USH2A: variants seen among roughly 807,000 people sequenced by gnomAD.
The protein encoded by USH2A is Usher syndrome 2A (autosomal recessive, mild).
In USH2A, 443 loss-of-function variants were observed where a neutral mutation model predicts 538.9. The observed-to-expected ratio is 0.82, with a 90% confidence interval of 0.76 to 0.89. The LOEUF is 0.89. Among genes scored for constraint, USH2A ranks in the 40% least tolerant of loss-of-function variants. The pLI, the probability that USH2A is intolerant of heterozygous loss-of-function variation, is 0.00. For missense variants in USH2A, 6,633 were observed against 6,324.8 expected (o/e 1.05, Z -1.65); for synonymous variants, 2,413 against 2,273.5 (o/e 1.06, Z -1.75).
chr1:215,801,395 TA>T (rs544514897), intron 49 of USH2A, among the ~76,000 whole-genome samples: 25,902 of 134,918 alleles, frequency 0.19, 3,116 homozygotes, highest in African/African-American at 0.37. Flanking sequence ...ATAAAGATTC[TA>T]AAAAAAAAAA....
rs151210241 is a variant in USH2A, at chr1:215,711,021, C to T, written c.12066+17009G>A. On this transcript the variant is annotated intron_variant, in intron 61 of 71. Transcript: ENST00000307340. ...TTCAGTTTAACATCCCTCAAGCCCT[C>T]GCTTTCTTCCAACTTCTTCTGATGT... 5.2e-4 allele frequency among the ~76,000 whole-genome samples: 79 copies of T among 152,074 alleles called. 1 individual carries two copies. The highest frequency in any genetic ancestry group is 1.9e-3 in the African/African-American group (78 of 41,484).
chr1:216,399,013 T>C (rs1260504682), intron 3 of USH2A, among the ~76,000 whole-genome samples: 1 of 152,192 alleles, frequency 6.6e-6, no homozygotes, highest in Non-Finnish European at 1.5e-5. Flanking sequence ...TCCAACTCTT[T>C]ACTAAGTTAG....
intron 13 of USH2A, among the ~76,000 whole-genome samples, chr1:216,239,406 T>C (rs1210576024): frequency 1.3e-5 from 2 of 152,114 alleles, no homozygotes; most frequent in African/African-American, 4.8e-5. Context: ...TAATTATCCA[T>C]TAATTCAGAA....
At chr1:215,656,018 G>A (rs1657240570) in intron 64 of USH2A, among the ~76,000 whole-genome samples, 1 of 152,180 alleles carries the variant, frequency 6.6e-6, no homozygotes, top group Admixed American at 6.5e-5. Context: ...ATAGGCGTAA[G>A]CCACCGCGCC....
At chr1:215,751,653 A>C (rs910624290) in intron 58 of USH2A, among the ~76,000 whole-genome samples, 1 of 152,180 alleles carries the variant, frequency 6.6e-6, no homozygotes, top group Non-Finnish European at 1.5e-5. Context: ...CTATTAAGGT[A>C]ACATATATCC....
At chr1:216,050,560 T>TTTCTTTCTCTCTCTCTTTCTTTCTTTC (rs1553294759) in intron 30 of USH2A, among the ~76,000 whole-genome samples, 2 of 35,692 alleles carry the variant, frequency 5.6e-5, no homozygotes, top group African/African-American at 1.5e-4. Context: ...ATTTGTATCT[T>TTTCTTTCTCTCTCTCTTTCTTTCTTTC]TTTCTTTCTT....
Position 216,004,013 on chromosome 1 carries a change from T to G in USH2A, c.6326-3451A>C, listed in dbSNP as rs191549815. 4.6e-5 allele frequency among the ~76,000 whole-genome samples: 7 copies of G among 152,258 alleles called. No individual in the cohort carries two copies. In the East Asian group the frequency reaches 1.4e-3, roughly 30 times the overall value. On this transcript the variant is annotated intron_variant, in intron 32 of 71. Coordinates refer to ENST00000307340, the MANE Select transcript of USH2A (RefSeq NM_206933.4). ...TTCCCAGTGCATTGTAGGTAGAGTA[T>G]GAAAGAGAAGACCCAGAGTTGACTC...
chr1:215,954,957 G>T (rs373831650), intron 37 of USH2A, among the ~76,000 whole-genome samples: 1 of 151,910 alleles, frequency 6.6e-6, no homozygotes, highest in Non-Finnish European at 1.5e-5. Flanking sequence ...CATTCACTTT[G>T]GAATCCTCTT....
At chr1:215,662,811 C>T (rs1197761557) in intron 64 of USH2A, among the ~76,000 whole-genome samples, 2 of 152,170 alleles carry the variant, frequency 1.3e-5, no homozygotes, top group African/African-American at 4.8e-5. Context: ...AGACAAAAAC[C>T]TCCATGCTGG....
intron 32 of USH2A, among the ~76,000 whole-genome samples, chr1:216,034,708 C>T (rs556640248): frequency 4.6e-4 from 70 of 152,240 alleles, no homozygotes; most frequent in African/African-American, 1.5e-3. Context: ...CCAGAAACCA[C>T]TGACTGTCAG....
chr1:215,751,203 G>A (rs567740503), intron 58 of USH2A, among the ~76,000 whole-genome samples: 2 of 152,022 alleles, frequency 1.3e-5, no homozygotes, highest in Non-Finnish European at 2.9e-5. Context: ...TCCATAAATA[G>A]ACCATATTAT....
At chr1:216,091,602 G>C (rs1186823424) in intron 22 of USH2A, among the ~76,000 whole-genome samples, 2 of 152,098 alleles carry the variant, frequency 1.3e-5, no homozygotes, top group East Asian at 3.9e-4. Flanking sequence ...TCAATAGAAT[G>C]CTTCGGATAG....
intron 32 of USH2A, among the ~76,000 whole-genome samples, chr1:216,006,319 C>T (rs564421133): frequency 1.3e-5 from 2 of 152,242 alleles, no homozygotes; most frequent in East Asian, 1.9e-4. Context: ...ACTCCTATGC[C>T]GCTACACAAT....
intron 38 of USH2A, among the ~76,000 whole-genome samples, chr1:215,921,815 G>C (rs138203998): frequency 6.6e-6 from 1 of 152,058 alleles, no homozygotes; most frequent in African/African-American, 2.4e-5. Flanking sequence ...AATAGCACTT[G>C]CCTTACAGGG....
chr1:215,947,482 A>C (rs767520762), intron 37 of USH2A, among the ~76,000 whole-genome samples: 33 of 152,376 alleles, frequency 2.2e-4, no homozygotes, highest in Non-Finnish European at 4.6e-4. Context: ...ATTAGAATGC[A>C]CATTTAAAAT....
chr1:215,875,916 A>T (rs914106090), intron 43 of USH2A, among the ~76,000 whole-genome samples: 1 of 145,314 alleles, frequency 6.9e-6, no homozygotes, highest in African/African-American at 2.5e-5. Flanking sequence ...ATAAATATAT[A>T]ATATATATTG....
At chr1:216,173,306 T>C (rs2034307864) in intron 21 of USH2A, among the ~76,000 whole-genome samples, 1 of 152,062 alleles carries the variant, frequency 6.6e-6, no homozygotes, top group African/African-American at 2.4e-5. Context: ...AGTATATACA[T>C]GGTTATATTA....
At chr1:216,293,118 G>T (rs184681219) in intron 9 of USH2A, among the ~76,000 whole-genome samples, 1 of 149,778 alleles carries the variant, frequency 6.7e-6, no homozygotes, top group Non-Finnish European at 1.5e-5. Context: ...TCCGCCTCAC[G>T]GGTTCAAGCG....
chr1:215,832,943 G>T (rs1467958065), intron 47 of USH2A, among the ~76,000 whole-genome samples: 1 of 151,772 alleles, frequency 6.6e-6, no homozygotes, highest in Non-Finnish European at 1.5e-5. Context: ...ATTTGAATTT[G>T]TTTTAAAGAA....
Sources: gnomAD v4.1 joint callset for allele counts (sites outside exome capture counted in the v4.1 genomes callset) on GRCh38, gnomAD v4.1.1 for gene constraint, MANE v1.5 for transcripts, NCBI Gene and HGNC (gene_info 2026-07-23, HGNC 2026-07-21) for gene names.